Variants in MYH15 observed in about 807,000 individuals in gnomAD.
MYH15 encodes the protein myosin-15.
Under a neutral mutation model 240.5 loss-of-function variants are expected in MYH15, and 227 were observed. That is an observed-to-expected ratio of 0.94 (90% CI 0.85 to 1.05). The LOEUF (loss-of-function observed/expected upper bound fraction) is 1.05, where lower values mean the gene tolerates loss of function less well. Ranked by LOEUF, MYH15 falls within the 50% of genes least tolerant of loss-of-function variation. The pLI, the probability that MYH15 is intolerant of heterozygous loss-of-function variation, is 0.00. For synonymous variants in MYH15, 785 were observed against 796.7 expected, an observed-to-expected ratio of 0.99 and a Z score of 0.25; for missense variants, 2,217 against 2,247.5, an observed-to-expected ratio of 0.99 and a Z score of 0.27.
At chr3:108,492,117 C>A (rs973142272) in intron 9 of MYH15, among the ~76,000 whole-genome samples, 1 of 151,916 alleles carries the variant, frequency 6.6e-6, no homozygotes, top group Non-Finnish European at 1.5e-5. Flanking sequence ...TTGACCACCA[C>A]ACACTATGAT....
At chr3:108,392,471 G>T (rs540112348) in intron 36 of MYH15, among the ~76,000 whole-genome samples, 18 of 152,292 alleles carry the variant, frequency 1.2e-4, no homozygotes, top group South Asian at 1.0e-3. Flanking sequence ...CCTGCTCTTG[G>T]CTTTGGCTGT....
intron 25 of MYH15, among the ~76,000 whole-genome samples, chr3:108,432,704 G>T (rs1469944712): frequency 2.0e-5 from 3 of 152,166 alleles, no homozygotes; most frequent in Non-Finnish European, 2.9e-5. Context: ...GGTCAACATA[G>T]AGCTTGGGTC....
intron 1 of MYH15, among the ~76,000 whole-genome samples, chr3:108,527,068 G>GT (rs2083678235): frequency 6.6e-6 from 1 of 152,112 alleles, no homozygotes; most frequent in Admixed American, 6.6e-5. Context: ...TAGAGGGTTT[G>GT]TTAAAACGCA....
At chr3:108,544,552 C>A in the MYH15 span, among the ~76,000 whole-genome samples, 1 of 152,132 alleles carries the variant, frequency 6.6e-6, no homozygotes, top group Non-Finnish European at 1.5e-5. Context: ...CAATTCAAGT[C>A]ATGGCTTCAG....
intron 33 of MYH15, among the ~76,000 whole-genome samples, chr3:108,403,969 A>C (rs1394761412): frequency 7.0e-6 from 1 of 143,326 alleles, no homozygotes. Context: ...TATTACTTGA[A>C]ATCAGTGTTA....
chr3:108,412,160 C>T (rs977907194), intron 30 of MYH15, among the ~76,000 whole-genome samples: 1 of 152,152 alleles, frequency 6.6e-6, no homozygotes, highest in Non-Finnish European at 1.5e-5. Context: ...TTGGCTGTGT[C>T]CCCACCAAAA....
At chr3:108,531,824 T>A (rs1312337320), upstream of MYH15, among the ~76,000 whole-genome samples, 5 of 147,176 alleles carry the variant, frequency 3.4e-5, no homozygotes, top group Admixed American at 6.9e-5. Flanking sequence ...AAAATAAAAA[T>A]AAATACTTTA....
intron 40 of MYH15, 61 bp from the exon 41 acceptor site, chr3:108,381,620 A>G: frequency 6.3e-7 from 1 of 1,589,426 alleles, no homozygotes; most frequent in Non-Finnish European, 8.6e-7. Context: ...AGTGGAACAC[A>G]TGTCCAGAAC....
At chr3:108,495,713 T>C in intron 7 of MYH15, 67 bp downstream of exon 7, 3 of 1,237,018 alleles carry the variant, frequency 2.4e-6, no homozygotes, top group Non-Finnish European at 3.4e-6. Context: ...CCTATGTGCT[T>C]ACATATAAGT....
At chr3:108,520,557 A>C (rs2083610253) in intron 1 of MYH15, among the ~76,000 whole-genome samples, 1 of 152,190 alleles carries the variant, frequency 6.6e-6, no homozygotes, top group Admixed American at 6.6e-5. Context: ...TGGCACCCCA[A>C]ATGTCTCTGA....
rs778462834 is a variant in MYH15 at position 108,441,154 on chromosome 3, T to C, written c.2762A>G (p.Glu921Gly). ...VKELSERVEE[E>G]EEINSELTAR... Reference sequence around the variant, plus strand: ...AGTCAGCTCAGAATTTATCTCCTCTTCTTCCTCCACCCTCTCCGACAGCTC... The same window carrying C: ...AGTCAGCTCAGAATTTATCTCCTCTCCTTCCTCCACCCTCTCCGACAGCTC... Residue 921 changes from glutamate (E) to glycine (G), a missense_variant, in exon 23 of 41, where the codon GAA (glutamate) becomes GGA (glycine). Coordinates refer to ENST00000693548, the MANE Select transcript of MYH15 (RefSeq NM_014981.3). 1.2e-5 allele frequency: 19 copies of C among 1,614,028 alleles called. No homozygotes were observed. The African/African-American group carries it at 1.6e-4, about 14-fold the overall frequency.
intron 28 of MYH15, among the ~76,000 whole-genome samples, chr3:108,418,836 C>T (rs894464760): frequency 9.2e-5 from 14 of 152,184 alleles, no homozygotes; most frequent in African/African-American, 2.6e-4. Context: ...CTGCAACCTC[C>T]GCCTCCAGGG....
At chr3:108,453,963 A>T in intron 21 of MYH15, 43 bp downstream of exon 21, 1 of 1,579,218 alleles carries the variant, frequency 6.3e-7, no homozygotes, top group Non-Finnish European at 8.7e-7. Flanking sequence ...GTTGAGGCAC[A>T]CTATTACCCT....
intron 37 of MYH15, among the ~76,000 whole-genome samples, chr3:108,389,361 G>T (rs1453411553): frequency 2.0e-5 from 3 of 152,220 alleles, no homozygotes; most frequent in Non-Finnish European, 4.4e-5. Flanking sequence ...GTGTATGTAT[G>T]AATGTATATG....
At chr3:108,486,675 ACAAT>A in intron 9 of MYH15, 149 bp from the exon 10 acceptor site, 1 of 487,606 alleles carries the variant, frequency 2.1e-6, no homozygotes. Flanking sequence ...CCAAACTTCT[ACAAT>A]CAATGTTTGC....
chr3:108,438,087 C>G (rs1056509761), intron 24 of MYH15, among the ~76,000 whole-genome samples: 1 of 152,122 alleles, frequency 6.6e-6, no homozygotes, highest in Non-Finnish European at 1.5e-5. Flanking sequence ...CAAAATATTC[C>G]CTGTAAATTC....
chr3:108,408,256 T>G, intron 32 of MYH15, 24 bp downstream of exon 32: 1 of 1,597,470 alleles, frequency 6.3e-7, no homozygotes, highest in South Asian at 1.1e-5. Flanking sequence ...AGTGAAAACT[T>G]TCTTTTCTCC....
chr3:108,388,964 G>A lies in MYH15; in HGVS notation c.5535+6C>T, dbSNP rs368671435. ...CAGACAAACAGGGAATGGTTTCCTG[G>A]AGTACCTGATAGGTCAGCTCTTTGA... On this transcript the variant is annotated splice_donor_region_variant and intron_variant, in intron 38 of 40. Coordinates refer to ENST00000693548, the MANE Select transcript of MYH15 (RefSeq NM_014981.3). The A allele has an allele frequency of 6.2e-7, 1 of 1,612,382 alleles. No individual in the cohort carries two copies. The highest frequency in any genetic ancestry group is 1.7e-5 in the Admixed American group (1 of 59,870).
At position 108,485,233 on chromosome 3, in the gene MYH15, T is replaced by TA. The variant is rs757075676; in HGVS notation, c.976-5dup. 2.5e-6 allele frequency: 4 copies of TA among 1,613,552 alleles called. No individual in the cohort carries two copies. The highest frequency in any genetic ancestry group is 3.4e-6 in the Non-Finnish European group (4 of 1,179,832). On this transcript the variant is annotated splice_polypyrimidine_tract_variant and splice_region_variant and intron_variant, in intron 10 of 40. Transcript: ENST00000693548. ...AGCCCAAGATGTCCATGGCTTGCTG[T>TA]AAAAAGAGAAACAGATGGCCCTGTC...
Sources: gnomAD v4.1 joint callset for allele counts (sites outside exome capture counted in the v4.1 genomes callset) on GRCh38, gnomAD v4.1.1 for gene constraint, MANE v1.5 for transcripts, NCBI Gene and HGNC (gene_info 2026-07-23, HGNC 2026-07-21) for gene names.